The following SLC30A8 variants were observed in gnomAD, a reference collection of about 807,000 sequenced individuals.
SLC30A8 encodes proton-coupled zinc antiporter SLC30A8.
Under a neutral mutation model 36.9 loss-of-function variants are expected in SLC30A8, and 27 were observed. The observed-to-expected ratio is 0.73, with a 90% CI of 0.54 to 1.01. The LOEUF (loss-of-function observed/expected upper bound fraction) is 1.01. SLC30A8 is among the 50% of genes least tolerant of loss of function. SLC30A8 has a pLI of 0.00. For synonymous variants in SLC30A8, 164 were observed against 172.4 expected, an observed-to-expected ratio of 0.95 and a Z score of 0.38; for missense variants, 439 against 452.0, an observed-to-expected ratio of 0.97 and a Z score of 0.26.
chr8:117,053,769 A>G (rs547549273), intron 2 of SLC30A8, among the ~76,000 whole-genome samples: 92 of 152,332 alleles, frequency 6.0e-4, no homozygotes, highest in African/African-American at 2.1e-3. Context: ...GATAAGAGCA[A>G]CTGAAATAGT....
intron 2 of SLC30A8, among the ~76,000 whole-genome samples, chr8:117,081,862 C>G (rs189810630): frequency 6.6e-6 from 1 of 152,146 alleles, no homozygotes. Flanking sequence ...CAATAATTGC[C>G]GATTCACAAC....
intron 1 of SLC30A8, among the ~76,000 whole-genome samples, chr8:116,965,747 T>G (rs966921615): frequency 2.6e-5 from 4 of 152,226 alleles, no homozygotes; most frequent in Non-Finnish European, 4.4e-5. Flanking sequence ...CAATTTTGGC[T>G]TAAATAACTA....
intron 2 of SLC30A8, among the ~76,000 whole-genome samples, chr8:117,042,412 T>A (rs572936977): frequency 1.3e-5 from 2 of 152,330 alleles, no homozygotes; most frequent in South Asian, 4.1e-4. Flanking sequence ...ATTAAGTGAC[T>A]ATCTTGGTAA....
chr8:117,105,072 G>A (rs1046675825), intron 2 of SLC30A8, among the ~76,000 whole-genome samples: 1 of 152,050 alleles, frequency 6.6e-6, no homozygotes, highest in Admixed American at 6.5e-5. Flanking sequence ...TTCTTTATTG[G>A]AAGTTGTTTC....
intron 1 of SLC30A8, among the ~76,000 whole-genome samples, chr8:116,964,618 A>T (rs781011962): frequency 9.9e-5 from 15 of 152,212 alleles, no homozygotes; most frequent in Admixed American, 3.3e-4. Flanking sequence ...GGTTTGAATC[A>T]ATCCATGACT....
intron 1 of SLC30A8, among the ~76,000 whole-genome samples, chr8:116,995,905 A>G (rs948611621): frequency 6.6e-6 from 1 of 152,148 alleles, no homozygotes; most frequent in Non-Finnish European, 1.5e-5. Context: ...AAAAAAATGC[A>G]AGTTAATGCA....
intron 1 of SLC30A8, among the ~76,000 whole-genome samples, chr8:116,996,218 C>T (rs1586376096): frequency 6.6e-6 from 1 of 152,238 alleles, no homozygotes; most frequent in East Asian, 1.9e-4. Flanking sequence ...TAAAAGAGAT[C>T]TTAGACATTG....
chr8:117,022,743 C>T (rs140387577), intron 1 of SLC30A8, among the ~76,000 whole-genome samples: 27 of 152,182 alleles, frequency 1.8e-4, no homozygotes, highest in Admixed American at 3.9e-4. Context: ...GGATCAAAGA[C>T]TTAAATGTTA....
chr8:117,171,287 G>C, intron 7 of SLC30A8, 119 bp downstream of exon 7: 2 of 1,184,602 alleles, frequency 1.7e-6, no homozygotes, highest in South Asian at 2.5e-5. Context: ...ACATTATAAA[G>C]TGTTTTCTAT....
chr8:117,070,761 T>C (rs1203342758), intron 2 of SLC30A8, among the ~76,000 whole-genome samples: 1 of 152,228 alleles, frequency 6.6e-6, no homozygotes. Flanking sequence ...CCCAGCCTCA[T>C]GTAACCATCA....
intron 1 of SLC30A8, among the ~76,000 whole-genome samples, chr8:117,028,887 AT>A (rs1816951773): frequency 6.6e-6 from 1 of 152,112 alleles, no homozygotes. Flanking sequence ...GGTGGCCTCA[AT>A]TTACTAGAAA....
chr8:116,974,860 A>C (rs1230689449), intron 1 of SLC30A8, among the ~76,000 whole-genome samples: 3 of 152,108 alleles, frequency 2.0e-5, no homozygotes, highest in African/African-American at 4.8e-5. Flanking sequence ...TGCAGTCATA[A>C]AAAGGATGAG....
At chr8:117,109,594 G>A (rs202077684) in intron 2 of SLC30A8, among the ~76,000 whole-genome samples, 5 of 109,240 alleles carry the variant, frequency 4.6e-5, no homozygotes, top group Non-Finnish European at 1.0e-4. Context: ...AGAGCCCCGT[G>A]TATATTTTGG....
At chr8:117,062,865 C>G (rs1255324221) in intron 2 of SLC30A8, among the ~76,000 whole-genome samples, 2 of 152,218 alleles carry the variant, frequency 1.3e-5, no homozygotes, top group African/African-American at 4.8e-5. Context: ...TTTTCGTCCA[C>G]AGTGGTCTTG....
At chr8:117,020,713 T>G (rs1340366392) in intron 1 of SLC30A8, among the ~76,000 whole-genome samples, 3 of 151,910 alleles carry the variant, frequency 2.0e-5, no homozygotes, top group Non-Finnish European at 4.4e-5. Context: ...TTTATCTTTA[T>G]TTTTTGACTT....
At chr8:117,118,959 C>T (rs1296767764) in intron 2 of SLC30A8, among the ~76,000 whole-genome samples, 1 of 151,828 alleles carries the variant, frequency 6.6e-6, no homozygotes, top group Non-Finnish European at 1.5e-5. Context: ...AGGCAAATTC[C>T]TATGGGCCTC....
At chr8:117,055,489 G>A (rs771009332) in intron 2 of SLC30A8, among the ~76,000 whole-genome samples, 4 of 152,154 alleles carry the variant, frequency 2.6e-5, no homozygotes, top group East Asian at 3.8e-4. Context: ...TAGGACCAGC[G>A]GGGGCCCTTC....
rs536966389 is a variant in SLC30A8, at chr8:117,153,535, A to G, written c.418+445A>G. Among the ~76,000 whole-genome samples, 6 of 152,330 alleles carry G rather than the reference A, an allele frequency of 3.9e-5. No homozygotes were observed. The East Asian group carries it at 7.7e-4, about 20-fold the overall frequency. On this transcript the variant is annotated intron_variant, in intron 3 of 7. Transcript: ENST00000456015. Reference sequence around the variant, plus strand: ...AGAATATAGGCTTTCCTGCTCACACACAGCATTTAGCCATTCAGCCATTGG... The same window carrying G: ...AGAATATAGGCTTTCCTGCTCACACGCAGCATTTAGCCATTCAGCCATTGG...
At chr8:117,130,176 T>C (rs1441375571), upstream of SLC30A8, 1 of 151,982 alleles carries the variant, frequency 6.6e-6, no homozygotes, top group African/African-American at 2.4e-5. Context: ...TGGTTGTGCT[T>C]CCAAGCAGGA....
Sources: gnomAD v4.1 joint callset for allele counts (sites outside exome capture counted in the v4.1 genomes callset) on GRCh38, gnomAD v4.1.1 for gene constraint, MANE v1.5 for transcripts, NCBI Gene and HGNC (gene_info 2026-07-23, HGNC 2026-07-21) for gene names.